The following PIEZO2 variants were observed in gnomAD, a reference collection of about 807,000 sequenced individuals.
PIEZO2 encodes the protein piezo type mechanosensitive ion channel component 2, also known as piezo-type mechanosensitive ion channel component 2.
Under a neutral mutation model 337.3 loss-of-function variants are expected in PIEZO2, and 172 were observed. The observed-to-expected ratio is 0.51, with a 90% CI of 0.45 to 0.58. The LOEUF (loss-of-function observed/expected upper bound fraction) is 0.58. Among genes scored for constraint, PIEZO2 ranks in the 20% least tolerant of loss-of-function variants. PIEZO2 has a pLI of 0.00. For missense variants in PIEZO2, 3,028 were observed against 3,391.3 expected, an observed-to-expected ratio of 0.89 and a Z score of 2.66; for synonymous variants, 1,251 against 1,228.5, an observed-to-expected ratio of 1.02 and a Z score of -0.38.
In PIEZO2 at chr18:10,853,953, T is replaced by C. The variant is rs1237372502; in HGVS notation, c.917+1400A>G. 6.6e-6 allele frequency among the ~76,000 whole-genome samples: 1 copy of C among 152,240 alleles called. No individual in the cohort carries two copies. The highest frequency in any genetic ancestry group is 1.5e-5 in the Non-Finnish European group (1 of 68,038). On this transcript the variant is annotated intron_variant, in intron 7 of 55. Transcript: ENST00000674853. The surrounding 1 kb of genome is among the most constrained non-coding windows in gnomAD (Gnocchi z 4.2). The stretch of plus-strand genomic sequence containing the variant: ...CCAAAAAAGTTTTAAGAATTTGTTG[T>C]TGAACCAGGATCTGATCTACAGCTG...
At chr18:10,799,575 G>C (rs1251709798) in intron 11 of PIEZO2, among the ~76,000 whole-genome samples, 1 of 152,176 alleles carries the variant, frequency 6.6e-6, no homozygotes, top group Non-Finnish European at 1.5e-5. Flanking sequence ...TTTAGTAATA[G>C]TGGTCTCCTT....
At chr18:10,699,373 AT>A (rs1015393898) in intron 43 of PIEZO2, among the ~76,000 whole-genome samples, 196 bp from the exon 44 acceptor site, 2 of 152,190 alleles carry the variant, frequency 1.3e-5, no homozygotes, top group African/African-American at 4.8e-5. Context: ...TAATTGAGTC[AT>A]GGCGGCAGGT....
Position 10,795,684 on chromosome 18 carries a change from T to C in PIEZO2, c.1528-682A>G, listed in dbSNP as rs2039572716. On this transcript the variant is annotated intron_variant, in intron 12 of 55. Transcript: ENST00000674853. The surrounding 1 kb of genome is among the most constrained non-coding windows in gnomAD (Gnocchi z 4.4). ...CTGTGTTCCTTACTGGAAACTGAAG[T>C]TGAGCATACACAGGTTCATCTGAGA... 6.6e-6 allele frequency among the ~76,000 whole-genome samples: 1 copy of C among 152,150 alleles called. No homozygotes were observed. Among genetic ancestry groups the C allele is most frequent in the South Asian group, 2.1e-4 (1 of 4,832 alleles).
intron 4 of PIEZO2, among the ~76,000 whole-genome samples, chr18:10,901,695 C>T (rs1031324092): frequency 2.0e-5 from 3 of 152,086 alleles, no homozygotes; most frequent in African/African-American, 7.2e-5. Context: ...CTGATGAATA[C>T]ATAATATGCC....
rs1224045671 is a variant in PIEZO2, at chr18:10,748,766, T to C, written c.4265-136A>G. 2 of 774,784 alleles carry C rather than the reference T, an allele frequency of 2.6e-6. No homozygotes were observed. The highest frequency in any genetic ancestry group is 3.9e-6 in the Non-Finnish European group (2 of 513,158). 48.0% of individuals were successfully genotyped at this position (774,784 alleles called of 1,614,324 possible). A position where few individuals can be genotyped will look rare whatever the true frequency, so the allele number is the denominator to read the frequency against. On this transcript the variant is annotated intron_variant, in intron 29 of 55. Coordinates refer to ENST00000674853, the MANE Select transcript of PIEZO2 (RefSeq NM_001378183.1). This position sits in a 1 kb window ranked among gnomAD's most constrained non-coding sequence, Gnocchi z 5.1. ...TCTGATGCTCTGACTTACTTATGAG[T>C]TGATTTATTTACAAGGAGATCACAC... is the stretch of plus-strand genomic sequence containing the variant.
At chr18:10,874,188 C>A (rs1183959560) in intron 4 of PIEZO2, among the ~76,000 whole-genome samples, 1 of 151,934 alleles carries the variant, frequency 6.6e-6, no homozygotes, top group Non-Finnish European at 1.5e-5. Context: ...AGAAGACATA[C>A]AAATGGACAA....
chr18:10,735,665 G>T (rs1001096909), intron 34 of PIEZO2, among the ~76,000 whole-genome samples: 4 of 152,194 alleles, frequency 2.6e-5, no homozygotes, highest in African/African-American at 9.6e-5. Context: ...ACAAAAACCC[G>T]GTCATGAAGA....
In PIEZO2 at chr18:11,086,316, C is replaced by T. The variant is rs185699250; in HGVS notation, c.65-20094G>A. ...CAGGCAGATCATGAGGTCAGGAGAT[C>T]GAGACCATCCTGGCTAACACGGTGA... On this transcript the variant is annotated intron_variant, in intron 1 of 55. Transcript: ENST00000674853. Among the ~76,000 whole-genome samples the T allele has an allele frequency of 1.4e-3, 213 of 152,038 alleles. 1 individual carries two copies. The highest frequency in any genetic ancestry group is 3.4e-3 in the Middle Eastern group (1 of 294).
At chr18:11,145,039 T>C (rs550492049) in intron 1 of PIEZO2, among the ~76,000 whole-genome samples, 4 of 152,290 alleles carry the variant, frequency 2.6e-5, no homozygotes, top group Admixed American at 6.5e-5. Context: ...ACGTAAAATA[T>C]GTGTAAAATG....
chr18:11,141,134 T>C (rs1161284126), intron 1 of PIEZO2, among the ~76,000 whole-genome samples: 2 of 152,218 alleles, frequency 1.3e-5, no homozygotes, highest in Non-Finnish European at 2.9e-5. Context: ...ATCATTATGC[T>C]GAGAAACCTA....
Position 10,726,744 on chromosome 18 carries a change from C to A in PIEZO2, c.5029+4663G>T. 6.8e-7 allele frequency: 1 copy of A among 1,465,672 alleles called. No individual in the cohort carries two copies. 90.8% of individuals were successfully genotyped at this position (1,465,672 alleles called of 1,614,324 possible). The stretch of plus-strand genomic sequence containing the variant: ...GCATTCTGGGACATCGCCAGACCAT[C>A]GATTTCCCGCTGCTGACCTCACTGG... On this transcript the variant is annotated intron_variant, in intron 36 of 55. Coordinates refer to ENST00000674853, the MANE Select transcript of PIEZO2 (RefSeq NM_001378183.1). This position sits in a 1 kb window ranked among gnomAD's most constrained non-coding sequence, Gnocchi z 5.9.
At chr18:10,896,951 A>C (rs2042918001) in intron 4 of PIEZO2, among the ~76,000 whole-genome samples, 1 of 152,164 alleles carries the variant, frequency 6.6e-6, no homozygotes, top group South Asian at 2.1e-4. Flanking sequence ...AAAGTCTCTC[A>C]ACCACCCCAC....
In PIEZO2 at chr18:11,078,810, A is replaced by G. The variant is rs147861950; in HGVS notation, c.65-12588T>C. On this transcript the variant is annotated intron_variant, in intron 1 of 55. Transcript: ENST00000674853. This position sits in a 1 kb window ranked among gnomAD's most constrained non-coding sequence, Gnocchi z 5.3. ...AGATCTCTTCAGTCTCTACCTACTC[A>G]GAGTATTTGGCCTTACATTTCATCG... Among the ~76,000 whole-genome samples the G allele has an allele frequency of 1.3e-5, 2 of 152,338 alleles. No individual in the cohort carries two copies. Among genetic ancestry groups the G allele is most frequent in the Non-Finnish European group, 2.9e-5 (2 of 68,030 alleles).
chr18:10,684,519 C>T (rs747529099), intron 49 of PIEZO2, among the ~76,000 whole-genome samples: 1 of 147,838 alleles, frequency 6.8e-6, no homozygotes, highest in Non-Finnish European at 1.5e-5. Context: ...GGCTGGGGTG[C>T]GGTGGTGCAG....
chr18:10,947,609 C>G (rs2033092235), intron 3 of PIEZO2, among the ~76,000 whole-genome samples: 1 of 152,102 alleles, frequency 6.6e-6, no homozygotes, highest in East Asian at 1.9e-4. Context: ...AAAAGAAAGT[C>G]CTTCAGATGG....
At chr18:10,964,887 A>G (rs1295430090) in intron 3 of PIEZO2, among the ~76,000 whole-genome samples, 3 of 152,222 alleles carry the variant, frequency 2.0e-5, no homozygotes, top group Admixed American at 6.5e-5. Context: ...TTCACTTAGC[A>G]TAATGTTTTC....
chr18:10,782,097 A>T (rs1452023017), intron 17 of PIEZO2, among the ~76,000 whole-genome samples: 2 of 144,706 alleles, frequency 1.4e-5, no homozygotes, highest in East Asian at 3.9e-4. Context: ...AACTTTGAAC[A>T]TTATATATAT....
intron 2 of PIEZO2, among the ~76,000 whole-genome samples, chr18:11,015,373 T>G (rs2036080738): frequency 6.6e-6 from 1 of 152,194 alleles, no homozygotes; most frequent in Non-Finnish European, 1.5e-5. Context: ...TCTGTCTTCC[T>G]TCTCTGTGTG....
At chr18:10,825,204 G>C (rs934413654) in intron 7 of PIEZO2, among the ~76,000 whole-genome samples, 10 of 152,164 alleles carry the variant, frequency 6.6e-5, no homozygotes, top group Admixed American at 2.6e-4. Context: ...CATGCAGAAT[G>C]CTGCATTACA....
Sources: gnomAD v4.1 joint callset for allele counts (sites outside exome capture counted in the v4.1 genomes callset) on GRCh38, gnomAD v4.1.1 for gene constraint, Gnocchi (gnomAD v3.1) non-coding constraint, MANE v1.5 for transcripts, NCBI Gene and HGNC (gene_info 2026-07-23, HGNC 2026-07-21) for gene names.